BCAS3: variants seen among roughly 807,000 people sequenced by gnomAD.
The protein encoded by BCAS3 is BCAS3 microtubule associated cell migration factor.
Under a neutral mutation model 116.1 loss-of-function variants are expected in BCAS3, and 53 were observed. The observed-to-expected ratio is 0.46, with a 90% CI of 0.37 to 0.57. The LOEUF (loss-of-function observed/expected upper bound fraction) is 0.57, where lower values mean the gene tolerates loss of function less well. Among genes scored for constraint, BCAS3 ranks in the 20% least tolerant of loss-of-function variants. BCAS3 has a pLI of 0.00. For missense variants in BCAS3, 917 were observed against 1,165.4 expected (o/e 0.79, Z 3.10); for synonymous variants, 391 against 408.2 (o/e 0.96, Z 0.51).
chr17:60,716,301 C>T (rs1211016822), intron 5 of BCAS3, among the ~76,000 whole-genome samples: 5 of 151,928 alleles, frequency 3.3e-5, no homozygotes, highest in Non-Finnish European at 7.4e-5. Context: ...GGATATACAA[C>T]TTAAGTTGTA....
intron 6 of BCAS3, among the ~76,000 whole-genome samples, chr17:60,751,749 G>A (rs1002974151): frequency 6.6e-6 from 1 of 152,020 alleles, no homozygotes; most frequent in Admixed American, 6.6e-5. Context: ...CTCCATATTT[G>A]TCAGGCTGGT....
rs115360085 is a variant in BCAS3 at position 61,068,242 on chromosome 17, T to C, written c.2030-6678T>C. On this transcript the variant is annotated intron_variant, in intron 19 of 23. Transcript: ENST00000407086. This position sits in a 1 kb window ranked among gnomAD's most constrained non-coding sequence, Gnocchi z 4.3. ...TTTTCTTTAAATAAACTCTATTAAG[T>C]TTTTTTTAGTACCTCCATTCGAAGA... is the stretch of plus-strand genomic sequence containing the variant. Among the ~76,000 whole-genome samples, 520 of 152,196 alleles carry C rather than the reference T, an allele frequency of 3.4e-3. 4 individuals are homozygous for C. The highest frequency in any genetic ancestry group is 0.012 in the African/African-American group (505 of 41,524).
chr17:60,901,613 C>T (rs926605420), intron 10 of BCAS3, among the ~76,000 whole-genome samples: 4 of 152,080 alleles, frequency 2.6e-5, no homozygotes, highest in African/African-American at 9.7e-5. Context: ...AAGGGTGTTC[C>T]ATTCTATTAT....
chr17:61,163,428 A>AT, intron 22 of BCAS3, among the ~76,000 whole-genome samples: 1 of 37,322 alleles, frequency 2.7e-5, no homozygotes, highest in South Asian at 1.2e-3. Flanking sequence ...CGTCTCAGAA[A>AT]GGAAAAAAAA....
At chr17:61,253,937 T>G (rs1259743849) in intron 22 of BCAS3, among the ~76,000 whole-genome samples, 1 of 152,088 alleles carries the variant, frequency 6.6e-6, no homozygotes, top group African/African-American at 2.4e-5. Context: ...AGTAGAGCTC[T>G]CTTGTCTAAT....
chr17:61,136,541 C>T lies in BCAS3; in HGVS notation c.2425+51977C>T, dbSNP rs918287995. On this transcript the variant is annotated intron_variant, in intron 22 of 23. Coordinates refer to ENST00000407086, the MANE Select transcript of BCAS3 (RefSeq NM_017679.5). This position sits in a 1 kb window ranked among gnomAD's most constrained non-coding sequence, Gnocchi z 4.4. ...GATGCCTCCAAATATTGCCAAATGT[C>T]CCCTTGTGGACAAAATTGTCCCATT... is the stretch of plus-strand genomic sequence containing the variant. Among the ~76,000 whole-genome samples, 3 of 152,144 alleles carry T rather than the reference C, an allele frequency of 2.0e-5. No individual in the cohort carries two copies. Among genetic ancestry groups the T allele is most frequent in the Non-Finnish European group, 2.9e-5 (2 of 68,026 alleles).
rs2065783697 is a variant in BCAS3, at chr17:61,020,296, C to T, written c.1637+4395C>T. Among the ~76,000 whole-genome samples the T allele has an allele frequency of 6.6e-6, 1 of 152,228 alleles. No individual in the cohort carries two copies. The highest frequency in any genetic ancestry group is 1.5e-5 in the Non-Finnish European group (1 of 68,040). ...AAGCCTGTGCAGTGTCAGGGACCAT[C>T]TGTCTCACTGCGAGACATACATGAG... On this transcript the variant is annotated intron_variant, in intron 16 of 23. Coordinates refer to ENST00000407086, the MANE Select transcript of BCAS3 (RefSeq NM_017679.5). The surrounding 1 kb of genome is among the most constrained non-coding windows in gnomAD (Gnocchi z 4.5).
chr17:60,738,631 TTG>T (rs1299145001), intron 5 of BCAS3, among the ~76,000 whole-genome samples: 1 of 152,260 alleles, frequency 6.6e-6, no homozygotes, highest in African/African-American at 2.4e-5. Context: ...CAGTTGGATC[TTG>T]TGTTTTAATC....
chr17:61,052,715 C>CTTTCT (rs781028474), intron 19 of BCAS3, among the ~76,000 whole-genome samples: 2 of 124,986 alleles, frequency 1.6e-5, no homozygotes, highest in East Asian at 2.4e-4. Flanking sequence ...TTCTTTCTTT[C>CTTTCT]TTTTTTTTTT....
rs1166928017 is a variant in BCAS3, at chr17:60,973,994, G to C, written c.1222-15977G>C. 2.0e-5 allele frequency among the ~76,000 whole-genome samples: 3 copies of C among 152,148 alleles called. No individual in the cohort carries two copies. The East Asian group carries it at 5.8e-4, about 29-fold the overall frequency. On this transcript the variant is annotated intron_variant, in intron 14 of 23. Coordinates refer to ENST00000407086, the MANE Select transcript of BCAS3 (RefSeq NM_017679.5). ...AACTTGGTATTGCTGATCAGTACCA[G>C]AGTTATTATTTAAGTATTCTAAAAA... is the stretch of plus-strand genomic sequence containing the variant.
intron 22 of BCAS3, among the ~76,000 whole-genome samples, chr17:61,117,573 T>A (rs2075548188): frequency 6.6e-6 from 1 of 152,136 alleles, no homozygotes; most frequent in African/African-American, 2.4e-5. Flanking sequence ...CCAGCTTGAG[T>A]GACACAGCAA....
rs1157698245 is a variant in BCAS3, at chr17:61,131,709, G to A, written c.2425+47145G>A. 6.6e-6 allele frequency among the ~76,000 whole-genome samples: 1 copy of A among 152,186 alleles called. No individual in the cohort carries two copies. Among genetic ancestry groups the A allele is most frequent in the Non-Finnish European group, 1.5e-5 (1 of 68,040 alleles). ...AGAGTGCTGATTAGTGACTTGCGGT[G>A]TGGATTCTGATTTATCGCAGACCAG... is the stretch of plus-strand genomic sequence containing the variant. On this transcript the variant is annotated intron_variant, in intron 22 of 23. Coordinates refer to ENST00000407086, the MANE Select transcript of BCAS3 (RefSeq NM_017679.5). The surrounding 1 kb of genome is among the most constrained non-coding windows in gnomAD (Gnocchi z 4.4).
Position 61,233,616 on chromosome 17 carries a change from C to T in BCAS3, c.2426-134711C>T, listed in dbSNP as rs2082822343. Among the ~76,000 whole-genome samples, 1 of 152,158 alleles carries T rather than the reference C, an allele frequency of 6.6e-6. No individual in the cohort carries two copies. The highest frequency in any genetic ancestry group is 1.5e-5 in the Non-Finnish European group (1 of 68,038). On this transcript the variant is annotated intron_variant, in intron 22 of 23. Coordinates refer to ENST00000407086, the MANE Select transcript of BCAS3 (RefSeq NM_017679.5). This position sits in a 1 kb window ranked among gnomAD's most constrained non-coding sequence, Gnocchi z 4.3. The stretch of plus-strand genomic sequence containing the variant: ...CTGGAGAGGTATTTTTGCCTTAACC[C>T]TGTCTCTGATTCACTGAGGGACCTT...
rs78511289 is a variant in BCAS3 at position 61,017,481 on chromosome 17, T to C, written c.1637+1580T>C. On this transcript the variant is annotated intron_variant, in intron 16 of 23. Transcript: ENST00000407086. This position sits in a 1 kb window ranked among gnomAD's most constrained non-coding sequence, Gnocchi z 4.7. Reference sequence around the variant, plus strand: ...AAATTGTTTCTCTGTAATTTAATTTTATATTCAGAGTGAGGGAAATTTAAG... The same window carrying C: ...AAATTGTTTCTCTGTAATTTAATTTCATATTCAGAGTGAGGGAAATTTAAG... Among the ~76,000 whole-genome samples, 1 of 152,280 alleles carries C rather than the reference T, an allele frequency of 6.6e-6. No individual in the cohort carries two copies. The highest frequency in any genetic ancestry group is 2.1e-4 in the South Asian group (1 of 4,824).
chr17:60,976,623 T>A (rs563056457), intron 14 of BCAS3, among the ~76,000 whole-genome samples: 1 of 152,150 alleles, frequency 6.6e-6, no homozygotes, highest in East Asian at 1.9e-4. Flanking sequence ...TATTTGAGAT[T>A]AGGGAGTGGT....
At chr17:60,761,631 G>T (rs1385112610) in intron 6 of BCAS3, among the ~76,000 whole-genome samples, 1 of 152,138 alleles carries the variant, frequency 6.6e-6, no homozygotes, top group African/African-American at 2.4e-5. Flanking sequence ...TTGGTTCCAT[G>T]TATTTGCTTT....
At chr17:60,776,875 C>T (rs1324880583) in intron 6 of BCAS3, among the ~76,000 whole-genome samples, 7 of 151,884 alleles carry the variant, frequency 4.6e-5, no homozygotes, top group African/African-American at 7.3e-5. Context: ...ATTAGCTGGG[C>T]GTGGAGTTAC....
At chr17:60,811,449 T>C in intron 7 of BCAS3, 1 of 589,912 alleles carries the variant, frequency 1.7e-6, no homozygotes, top group South Asian at 1.5e-5. Context: ...GACATCAAAG[T>C]TCTGAGACAT....
intron 6 of BCAS3, among the ~76,000 whole-genome samples, chr17:60,766,817 G>C (rs1393858912): frequency 2.6e-5 from 4 of 152,222 alleles, no homozygotes; most frequent in African/African-American, 9.6e-5. Context: ...AGTCTACAGA[G>C]GCAGGCGGGC....
Sources: gnomAD v4.1 joint callset for allele counts (sites outside exome capture counted in the v4.1 genomes callset) on GRCh38, gnomAD v4.1.1 for gene constraint, Gnocchi (gnomAD v3.1) non-coding constraint, MANE v1.5 for transcripts, NCBI Gene and HGNC (gene_info 2026-07-23, HGNC 2026-07-21) for gene names.